The following ARHGAP28 variants were observed in gnomAD, a reference collection of about 807,000 sequenced individuals.
The protein encoded by ARHGAP28 is rho GTPase-activating protein 28.
ARHGAP28 carries 56 observed loss-of-function variants against 90.7 expected under a neutral mutation model. The ratio of observed to expected loss-of-function variants is 0.62; its 90% CI spans 0.50 to 0.77. ARHGAP28 has a LOEUF of 0.77. ARHGAP28 is among the 30% of genes least tolerant of loss of function. ARHGAP28 has a pLI of 0.00. For synonymous variants in ARHGAP28, 308 were observed against 323.3 expected, an observed-to-expected ratio of 0.95 and a Z score of 0.51; for missense variants, 869 against 900.9, an observed-to-expected ratio of 0.96 and a Z score of 0.45.
chr18:6,894,121 C>T (rs1367601883), intron 14 of ARHGAP28, among the ~76,000 whole-genome samples: 3 of 152,242 alleles, frequency 2.0e-5, no homozygotes, highest in African/African-American at 7.2e-5. Context: ...CCTACCTTGG[C>T]CTCCCAAAGT....
chr18:6,911,580 C>T (rs185220291), intron 17 of ARHGAP28, among the ~76,000 whole-genome samples: 63 of 152,052 alleles, frequency 4.1e-4, no homozygotes, highest in African/African-American at 1.1e-3. Flanking sequence ...GAATTACAGG[C>T]GCCTACCACC....
intron 1 of ARHGAP28, among the ~76,000 whole-genome samples, chr18:6,807,560 C>G (rs1381743790): frequency 2.0e-5 from 3 of 152,162 alleles, no homozygotes; most frequent in Non-Finnish European, 4.4e-5. Context: ...AGAGGCAAAA[C>G]TCTTCTGAAT....
chr18:6,873,315 C>A (rs2057104301), intron 7 of ARHGAP28, 94 bp from the exon 8 acceptor site: 2 of 1,041,810 alleles, frequency 1.9e-6, no homozygotes, highest in African/African-American at 1.6e-5. Context: ...ACACGTTCTA[C>A]TGCATAGATT....
chr18:6,893,257 T>G (rs1013728158), intron 14 of ARHGAP28, among the ~76,000 whole-genome samples: 3 of 152,200 alleles, frequency 2.0e-5, no homozygotes, highest in Admixed American at 2.0e-4. Context: ...ATCATTAGAC[T>G]TCTTGAGTGA....
intron 4 of ARHGAP28, among the ~76,000 whole-genome samples, chr18:6,858,070 T>C (rs2056968140): frequency 6.6e-6 from 1 of 152,068 alleles, no homozygotes; most frequent in Non-Finnish European, 1.5e-5. Flanking sequence ...GCATCTGGAG[T>C]TCCTTCTCTC....
At position 6,915,070 on chromosome 18, in the gene ARHGAP28, A is replaced by G. The variant is rs1377566743; in HGVS notation, c.*2916A>G. 6.6e-6 allele frequency: 1 copy of G among 152,566 alleles called. No homozygotes were observed. Among genetic ancestry groups the G allele is most frequent in the Non-Finnish European group, 1.5e-5 (1 of 68,040 alleles). The allele number at this position is 152,566 out of a possible 1,614,324, so 9.5% of individuals were successfully genotyped here. The stretch of plus-strand genomic sequence containing the variant: ...TTCAGTTAGCTTTCAGTGTATGTTT[A>G]ATAATATACATTTAATGATGAAAAA... On this transcript the variant is annotated 3_prime_UTR_variant, in exon 18 of 18. Coordinates refer to ENST00000383472, the MANE Select transcript of ARHGAP28 (RefSeq NM_001366230.1).
At chr18:6,822,635 C>T (rs778036471) in intron 1 of ARHGAP28, among the ~76,000 whole-genome samples, 41 of 152,046 alleles carry the variant, frequency 2.7e-4, no homozygotes, top group Non-Finnish European at 5.0e-4. Flanking sequence ...TATCACACAA[C>T]ACATAAAAAA....
At chr18:6,765,473 A>C (rs2056192943) in intron 1 of ARHGAP28, among the ~76,000 whole-genome samples, 1 of 152,078 alleles carries the variant, frequency 6.6e-6, no homozygotes, top group African/African-American at 2.4e-5. Flanking sequence ...ATTTTTAGGT[A>C]CACGGCTCTT....
In ARHGAP28 at chr18:6,876,938, C is replaced by T. The variant is rs181633408; in HGVS notation, c.1290+730C>T. Among the ~76,000 whole-genome samples the T allele has an allele frequency of 1.6e-4, 25 of 152,288 alleles. No homozygotes were observed. In the Middle Eastern group the frequency reaches 0.01, roughly 62 times the overall value. ...CCAGCAAAACATCCCACTGTGTCTG[C>T]GGGTAGGCATACACCATGGAGAGCT... On this transcript the variant is annotated intron_variant, in intron 10 of 17. Coordinates refer to ENST00000383472, the MANE Select transcript of ARHGAP28 (RefSeq NM_001366230.1).
At chr18:6,822,028 G>A (rs759160540) in intron 1 of ARHGAP28, among the ~76,000 whole-genome samples, 2 of 151,612 alleles carry the variant, frequency 1.3e-5, no homozygotes, top group Non-Finnish European at 2.9e-5. Context: ...AGCCATTGAG[G>A]TGGTATTACC....
chr18:6,815,782 A>G (rs60041312), intron 1 of ARHGAP28, among the ~76,000 whole-genome samples: 34,707 of 152,096 alleles, frequency 0.23, 4,953 homozygotes, highest in African/African-American at 0.4. Flanking sequence ...AATAAAGTAC[A>G]TCACGTGAAT....
chr18:6,749,335 A>G (rs961536809), intron 1 of ARHGAP28, among the ~76,000 whole-genome samples: 3 of 152,218 alleles, frequency 2.0e-5, no homozygotes, highest in African/African-American at 7.2e-5. Flanking sequence ...ATTCCTTGGT[A>G]GTATTGTTTG....
intron 1 of ARHGAP28, among the ~76,000 whole-genome samples, chr18:6,806,538 A>G (rs538621293): frequency 6.6e-6 from 1 of 152,240 alleles, no homozygotes; most frequent in East Asian, 1.9e-4. Context: ...TTATATATAT[A>G]TATGACAAAA....
At chr18:6,798,340 C>T (rs776042960) in intron 1 of ARHGAP28, among the ~76,000 whole-genome samples, 2 of 152,042 alleles carry the variant, frequency 1.3e-5, no homozygotes, top group Non-Finnish European at 2.9e-5. Flanking sequence ...ATTACAAGCA[C>T]CTGCCACCAT....
intron 3 of ARHGAP28, among the ~76,000 whole-genome samples, chr18:6,850,286 G>GT (rs1156978864): frequency 6.6e-6 from 1 of 152,106 alleles, no homozygotes; most frequent in East Asian, 1.9e-4. Flanking sequence ...TTTGTAGAAT[G>GT]TTTATCACTG....
At chr18:6,841,166 TC>T (rs1321444015) in intron 3 of ARHGAP28, among the ~76,000 whole-genome samples, 2,263 of 86,498 alleles carry the variant, frequency 0.026, 43 homozygotes, top group Non-Finnish European at 0.033. Context: ...TTTCTCTCTC[TC>T]CTCTCTCTCT....
intron 1 of ARHGAP28, among the ~76,000 whole-genome samples, chr18:6,759,295 C>CAA (rs5822924): frequency 0.63 from 95,764 of 151,844 alleles, 31,227 homozygotes; most frequent in Middle Eastern, 0.72. Context: ...AAAGTGTAAT[C>CAA]AAAAGGCAAG....
At position 6,913,023 on chromosome 18, in the gene ARHGAP28, C is replaced by G. The variant is rs2057407137; in HGVS notation, c.*869C>G. 1 of 152,146 alleles carries G rather than the reference C, an allele frequency of 6.6e-6. No individual in the cohort carries two copies. Among genetic ancestry groups the G allele is most frequent in the African/African-American group, 2.4e-5 (1 of 41,440 alleles). The allele number at this position is 152,146 out of a possible 1,614,324, so 9.4% of individuals were successfully genotyped here. A position where few individuals can be genotyped will look rare whatever the true frequency, so the allele number is the denominator to read the frequency against. On this transcript the variant is annotated 3_prime_UTR_variant, in exon 18 of 18. Coordinates refer to ENST00000383472, the MANE Select transcript of ARHGAP28 (RefSeq NM_001366230.1). ...ATCAAACATACCATTTTTTATATTT[C>G]ACAACTATAGACAGTCACTTCTGCA...
intron 1 of ARHGAP28, among the ~76,000 whole-genome samples, chr18:6,749,640 C>G (rs1478053679): frequency 3.9e-5 from 6 of 152,088 alleles, no homozygotes; most frequent in Non-Finnish European, 8.8e-5. Flanking sequence ...TAGCATCACT[C>G]TATCCACAGA....
Sources: gnomAD v4.1 joint callset for allele counts (sites outside exome capture counted in the v4.1 genomes callset) on GRCh38, gnomAD v4.1.1 for gene constraint, MANE v1.5 for transcripts, NCBI Gene and HGNC (gene_info 2026-07-23, HGNC 2026-07-21) for gene names.